HIRA: variants seen among roughly 807,000 people sequenced by gnomAD.
The protein encoded by HIRA is histone cell cycle regulator.
Under a neutral mutation model 126.6 loss-of-function variants are expected in HIRA, and 13 were observed. That is an observed-to-expected ratio of 0.10 (90% CI 0.07 to 0.16). HIRA has a LOEUF of 0.16. Ranked by LOEUF, HIRA falls within the 10% of genes least tolerant of loss-of-function variation. The pLI is 1.00. For missense variants in HIRA, 834 were observed against 1,314.4 expected, an observed-to-expected ratio of 0.63 and a Z score of 5.65; for synonymous variants, 511 against 520.0, an observed-to-expected ratio of 0.98 and a Z score of 0.24.
chr22:19,352,216 A>T (rs770048610), intron 23 of HIRA, among the ~76,000 whole-genome samples: 6 of 151,916 alleles, frequency 3.9e-5, no homozygotes, highest in African/African-American at 9.7e-5. Flanking sequence ...GAGAAAGAGA[A>T]GCAAGCAGCA....
Position 19,382,768 on chromosome 22 carries a change from TTTC to T in HIRA, c.1415+849_1415+851del, listed in dbSNP as rs1458394584. ...TTCACACAGTGCTTTATCATTTTTC[TTTC>T]TTTTTTTTTTTTTTTTTGAATCAAC... On this transcript the variant is annotated intron_variant, in intron 13 of 24. Transcript: ENST00000263208. Among the ~76,000 whole-genome samples, 618 of 138,020 alleles carry T rather than the reference TTTC, an allele frequency of 4.5e-3. 8 individuals are homozygous for T. Among genetic ancestry groups the T allele is most frequent in the African/African-American group, 0.019 (578 of 30,196 alleles). The allele number at this position is 138,020 out of a possible 152,430, so 90.5% of individuals were successfully genotyped here.
At chr22:19,333,032 C>T (rs538766062) in intron 24 of HIRA, among the ~76,000 whole-genome samples, 3 of 152,220 alleles carry the variant, frequency 2.0e-5, no homozygotes, top group Admixed American at 6.5e-5. Context: ...CCTCAGTTAC[C>T]CGAGTAGCTG....
intron 24 of HIRA, among the ~76,000 whole-genome samples, chr22:19,348,431 G>T (rs1291292453): frequency 1.3e-5 from 2 of 151,864 alleles, no homozygotes; most frequent in African/African-American, 4.8e-5. Flanking sequence ...AGATTATTAT[G>T]CTAAAGTAGA....
At chr22:19,397,059 C>T in intron 6 of HIRA, 112 bp from the exon 7 acceptor site, 1 of 926,122 alleles carries the variant, frequency 1.1e-6, no homozygotes, top group East Asian at 2.5e-5. Flanking sequence ...CTGCCATGGC[C>T]AGCCCCCACA....
chr22:19,368,683 T>C (rs1011402006), intron 15 of HIRA, among the ~76,000 whole-genome samples: 51 of 152,230 alleles, frequency 3.4e-4, no homozygotes, highest in African/African-American at 1.2e-3. Context: ...AGAATCCTAT[T>C]GTGAAACATG....
intron 1 of HIRA, among the ~76,000 whole-genome samples, chr22:19,430,583 TGGA>T (rs1406714462): frequency 7.5e-6 from 1 of 134,120 alleles, no homozygotes; most frequent in Non-Finnish European, 1.5e-5. Context: ...GGCCCTGGGC[TGGA>T]GGAGTCTCCC....
intron 1 of HIRA, among the ~76,000 whole-genome samples, chr22:19,430,789 C>A (rs1369520083): frequency 6.6e-6 from 1 of 152,190 alleles, no homozygotes; most frequent in African/African-American, 2.4e-5. Flanking sequence ...GAGTCCGTTC[C>A]CCAAGGGTGT....
intron 21 of HIRA, 35 bp downstream of exon 21, chr22:19,355,725 T>C: frequency 6.8e-7 from 1 of 1,470,374 alleles, no homozygotes; most frequent in Non-Finnish European, 9.5e-7. Context: ...ACAGACACTC[T>C]TCCAGGGAAT....
chr22:19,375,908 C>A lies in HIRA; in HGVS notation c.1614-116G>T. The A allele has an allele frequency of 5.5e-6, 6 of 1,097,502 alleles. No individual in the cohort carries two copies. In the South Asian group the frequency reaches 8.0e-5, roughly 15 times the overall value. 68.0% of individuals were successfully genotyped at this position (1,097,502 alleles called of 1,614,324 possible). ...GGCACAAATATCAAACTTCCATAAA[C>A]ACAAAAAATGTCAAGATACAATCTA... On this transcript the variant is annotated intron_variant, in intron 14 of 24. Coordinates refer to ENST00000263208, the MANE Select transcript of HIRA (RefSeq NM_003325.4).
At chr22:19,356,680 G>C (rs1556012637) in intron 19 of HIRA, among the ~76,000 whole-genome samples, 1 of 152,208 alleles carries the variant, frequency 6.6e-6, no homozygotes, top group East Asian at 1.9e-4. Flanking sequence ...GAGCAGGCAA[G>C]CTGCCTCCAT....
At chr22:19,331,583 G>GC (rs782652018) in intron 24 of HIRA, 27 bp from the exon 25 acceptor site, 15 of 1,561,778 alleles carry the variant, frequency 9.6e-6, no homozygotes, top group Admixed American at 3.6e-5. Context: ...ACAGCTGAGT[G>GC]CAAGTGTCAG....
chr22:19,385,494 T>C (rs751628189), intron 12 of HIRA, 27 bp downstream of exon 12: 11 of 1,605,132 alleles, frequency 6.9e-6, no homozygotes, highest in Middle Eastern at 3.3e-4. Context: ...TGTCCATGTC[T>C]TTAGCGCCAC....
intron 6 of HIRA, among the ~76,000 whole-genome samples, chr22:19,397,170 C>T (rs2089230817): frequency 6.6e-6 from 1 of 152,212 alleles, no homozygotes; most frequent in Non-Finnish European, 1.5e-5. Context: ...GGGGCTAGTT[C>T]TGATCCAGGT....
At position 19,369,995 on chromosome 22, in the gene HIRA, G is replaced by GT. The variant is rs1432914104; in HGVS notation, c.1775+5635dup. On this transcript the variant is annotated intron_variant, in intron 15 of 24. Transcript: ENST00000263208. ...TGTTTTCTTGTTTCGTTTTGTTTTTGTTTTTTGAGACAAGTCTTGTTCAGG... is the reference window on the plus strand; with the variant it reads ...TGTTTTCTTGTTTCGTTTTGTTTTTGTTTTTTTGAGACAAGTCTTGTTCAGG... 5.9e-5 allele frequency among the ~76,000 whole-genome samples: 9 copies of GT among 152,056 alleles called. No individual in the cohort carries two copies. In the East Asian group the frequency reaches 1.8e-3, roughly 30 times the overall value.
intron 15 of HIRA, among the ~76,000 whole-genome samples, chr22:19,370,078 G>C (rs1246060591): frequency 6.6e-6 from 1 of 152,060 alleles, no homozygotes; most frequent in African/African-American, 2.4e-5. Flanking sequence ...GGGTTCAAGC[G>C]ATTCTCCTGC....
At chr22:19,391,771 C>G (rs561819527) in intron 9 of HIRA, among the ~76,000 whole-genome samples, 16 of 152,174 alleles carry the variant, frequency 1.1e-4, no homozygotes, top group African/African-American at 3.9e-4. Flanking sequence ...TGAGCCACCG[C>G]GCCCAGCCAT....
At chr22:19,384,841 G>A (rs887462394) in intron 12 of HIRA, among the ~76,000 whole-genome samples, 1 of 150,556 alleles carries the variant, frequency 6.6e-6, no homozygotes, top group Admixed American at 6.6e-5. Context: ...TTTAAGTAGA[G>A]ACAAGGTTTC....
At chr22:19,362,937 A>T (rs895658598) in intron 15 of HIRA, among the ~76,000 whole-genome samples, 2 of 150,968 alleles carry the variant, frequency 1.3e-5, no homozygotes, top group African/African-American at 4.9e-5. Flanking sequence ...AGTGAAGATT[A>T]AAAAAAAAGA....
rs1556011512 is a variant in HIRA at position 19,353,447 on chromosome 22, T to C, written c.2757A>G (p.Leu919=). The change falls in exon 23 of 25, where the codon CTA becomes CTG. Residue 919 remains leucine (L), a synonymous_variant. Coordinates refer to ENST00000263208, the MANE Select transcript of HIRA (RefSeq NM_003325.4). Reference sequence around the variant, plus strand: ...TGAGTGCTGCTGCCACCTGGTTCTCTAGGTAGGCCAGGGTGGTCTCTTGCT... The same window carrying C: ...TGAGTGCTGCTGCCACCTGGTTCTCCAGGTAGGCCAGGGTGGTCTCTTGCT... The part of the protein sequence containing the change: ...VVQQETTLAY[L]ENQVAAALTL... 1.9e-6 allele frequency: 3 copies of C among 1,612,880 alleles called. No individual in the cohort carries two copies. Among genetic ancestry groups the C allele is most frequent in the South Asian group, 1.1e-5 (1 of 90,952 alleles).
Sources: allele counts gnomAD v4.1 joint callset (sites outside exome capture counted in the v4.1 genomes callset), GRCh38; gene constraint gnomAD v4.1.1; transcripts MANE v1.5; gene names NCBI Gene and HGNC (gene_info 2026-07-23, HGNC 2026-07-21).